Variants in SCNN1B observed in about 807,000 individuals in gnomAD.
SCNN1B encodes epithelial sodium channel subunit beta.
Under a neutral mutation model 65.3 loss-of-function variants are expected in SCNN1B, and 46 were observed. The ratio of observed to expected loss-of-function variants is 0.70; its 90% CI spans 0.56 to 0.90. The LOEUF (loss-of-function observed/expected upper bound fraction) is 0.90. SCNN1B is among the 40% of genes least tolerant of loss of function. The pLI, the probability that SCNN1B is intolerant of heterozygous loss-of-function variation, is 0.00. For missense variants in SCNN1B, 751 were observed against 830.5 expected (o/e 0.90, Z 1.18); for synonymous variants, 349 against 330.6 (o/e 1.06, Z -0.60).
intron 1 of SCNN1B, among the ~76,000 whole-genome samples, chr16:23,316,028 A>ATCACAATCGCCATCC (rs1961448392): frequency 6.8e-6 from 1 of 145,996 alleles, no homozygotes; most frequent in African/African-American, 2.6e-5. Context: ...CATCATCACC[A>ATCACAATCGCCATCC]TCACCATCGC....
intron 2 of SCNN1B, among the ~76,000 whole-genome samples, chr16:23,296,513 C>A (rs2141972804): frequency 6.6e-6 from 1 of 152,276 alleles, no homozygotes; most frequent in East Asian, 1.9e-4. Context: ...TGGTTTTGTT[C>A]TTTGGGCTTT....
At chr16:23,341,097 A>G (rs772355152) in intron 1 of SCNN1B, among the ~76,000 whole-genome samples, 1 of 152,222 alleles carries the variant, frequency 6.6e-6, no homozygotes, top group Non-Finnish European at 1.5e-5. Context: ...GTTAATTGAC[A>G]TCTTAACAAT....
intron 4 of SCNN1B, among the ~76,000 whole-genome samples, chr16:23,359,793 G>C (rs925805994): frequency 1.1e-4 from 16 of 152,340 alleles, no homozygotes; most frequent in Admixed American, 8.5e-4. Context: ...TCCTCACCTG[G>C]AAAGTGGGGA....
intron 1 of SCNN1B, among the ~76,000 whole-genome samples, chr16:23,315,728 C>T (rs1961439903): frequency 2.0e-5 from 3 of 152,054 alleles, no homozygotes; most frequent in Admixed American, 1.3e-4. Context: ...CACTTGAGCC[C>T]AGGAGTTCAA....
At chr16:23,315,055 G>C (rs973842863) in intron 1 of SCNN1B, among the ~76,000 whole-genome samples, 1 of 152,202 alleles carries the variant, frequency 6.6e-6, no homozygotes, top group African/African-American at 2.4e-5. Context: ...ACATGCCACC[G>C]GCTGGGTGCG....
At chr16:23,308,522 C>T (rs1337846903) in intron 1 of SCNN1B, among the ~76,000 whole-genome samples, 1 of 152,186 alleles carries the variant, frequency 6.6e-6, no homozygotes, top group Admixed American at 6.5e-5. Flanking sequence ...GGCCCTGTCT[C>T]TAAAAAACAG....
At chr16:23,362,543 A>G (rs542645185) in intron 4 of SCNN1B, among the ~76,000 whole-genome samples, 2 of 152,240 alleles carry the variant, frequency 1.3e-5, no homozygotes, top group African/African-American at 2.4e-5. Context: ...CTGGAGGCTC[A>G]CTGGTCTCTG....
chr16:23,336,404 G>T (rs962945999), intron 1 of SCNN1B, among the ~76,000 whole-genome samples: 1 of 142,780 alleles, frequency 7.0e-6, no homozygotes, highest in South Asian at 2.2e-4. Flanking sequence ...ACGGAGTCTC[G>T]CTCTGTCGCC....
chr16:23,375,703 G>A (rs1367349064), intron 7 of SCNN1B, 35 bp from the exon 8 acceptor site: 1 of 1,432,668 alleles, frequency 7.0e-7, no homozygotes, highest in Non-Finnish European at 9.9e-7. Flanking sequence ...GACCATGCCT[G>A]TGTTCTCTCC....
At chr16:23,295,015 C>A (rs1178175289) in intron 2 of SCNN1B, among the ~76,000 whole-genome samples, 1 of 146,248 alleles carries the variant, frequency 6.8e-6, no homozygotes, top group Admixed American at 6.8e-5. Flanking sequence ...AACAAAAAAA[C>A]TTCAACCTCC....
At chr16:23,316,080 T>G (rs1961451202) in intron 1 of SCNN1B, among the ~76,000 whole-genome samples, 3 of 144,152 alleles carry the variant, frequency 2.1e-5, no homozygotes, top group Non-Finnish European at 3.0e-5. Flanking sequence ...ACCATCAGGA[T>G]CACCATCACC....
Position 23,381,074 on chromosome 16 carries a change from C to T in SCNN1B, c.*273C>T. 1.9e-6 allele frequency: 1 copy of T among 516,556 alleles called. No homozygotes were observed. Among genetic ancestry groups the T allele is most frequent in the Non-Finnish European group, 3.5e-6 (1 of 284,382 alleles). 32.0% of individuals were successfully genotyped at this position (516,556 alleles called of 1,614,324 possible). A position where few individuals can be genotyped will look rare whatever the true frequency, so the allele number is the denominator to read the frequency against. ...CCTGTCCTGATCCTGGTCCTGAAGA[C>T]CCCTCGGAACACCCTCTCCTGGTGG... On this transcript the variant is annotated 3_prime_UTR_variant, in exon 13 of 13. Transcript: ENST00000343070.
intron 1 of SCNN1B, among the ~76,000 whole-genome samples, chr16:23,336,323 G>A (rs1255412945): frequency 3.3e-5 from 5 of 151,914 alleles, no homozygotes; most frequent in African/African-American, 4.8e-5. Flanking sequence ...GCTTCAGCCC[G>A]TGAAAGACAA....
At chr16:23,298,379 A>G (rs570282184), upstream of SCNN1B, among the ~76,000 whole-genome samples, 22 of 152,226 alleles carry the variant, frequency 1.4e-4, no homozygotes, top group Non-Finnish European at 2.5e-4. Context: ...CCTGCAGAGC[A>G]AGGCTACCCC....
chr16:23,372,723 G>A lies in SCNN1B; in HGVS notation c.1152+840G>A, dbSNP rs547089124. Among the ~76,000 whole-genome samples the A allele has an allele frequency of 8.6e-4, 129 of 150,148 alleles. 1 individual carries two copies. The highest frequency in any genetic ancestry group is 3.0e-3 in the African/African-American group (124 of 40,870). On this transcript the variant is annotated intron_variant, in intron 7 of 12. Coordinates refer to ENST00000343070, the MANE Select transcript of SCNN1B (RefSeq NM_000336.3). ...TTGGCCAGGCTGGTCTTGAACTCCT[G>A]ACCTCGTGATCCACCGCCTCGGCCT... is the stretch of plus-strand genomic sequence containing the variant.
intron 4 of SCNN1B, among the ~76,000 whole-genome samples, chr16:23,356,445 C>T (rs528841575): frequency 2.6e-5 from 4 of 151,930 alleles, no homozygotes; most frequent in East Asian, 3.9e-4. Flanking sequence ...AGCAACATAG[C>T]GAGACCTCAT....
At chr16:23,278,299 T>A (rs1960734032) in exon 1 of SCNN1B, 2 of 152,200 alleles carry the variant, frequency 1.3e-5, no homozygotes, top group Non-Finnish European at 2.9e-5. Flanking sequence ...TCCTCTAAGT[T>A]GTTGCCAAGA....
At chr16:23,312,511 C>T (rs1961366650) in intron 1 of SCNN1B, among the ~76,000 whole-genome samples, 1 of 152,110 alleles carries the variant, frequency 6.6e-6, no homozygotes, top group African/African-American at 2.4e-5. Context: ...GCACTGGACC[C>T]ACCCTGGCTA....
chr16:23,291,315 A>G (rs1960921131), intron 2 of SCNN1B, among the ~76,000 whole-genome samples: 1 of 152,068 alleles, frequency 6.6e-6, no homozygotes, highest in African/African-American at 2.4e-5. Context: ...CACCTGCCTC[A>G]ACCTCCCAAA....
Sources: gnomAD v4.1 joint callset for allele counts (sites outside exome capture counted in the v4.1 genomes callset) on GRCh38, gnomAD v4.1.1 for gene constraint, MANE v1.5 for transcripts, NCBI Gene and HGNC (gene_info 2026-07-23, HGNC 2026-07-21) for gene names.